RBFOX1: variants seen among roughly 807,000 people sequenced by gnomAD.
RBFOX1 encodes RNA binding protein fox-1 homolog 1.
A neutral mutation model predicts 57.7 loss-of-function variants in RBFOX1; 8 were observed. The ratio of observed to expected loss-of-function variants is 0.14; its 90% CI spans 0.08 to 0.25. RBFOX1 has a LOEUF of 0.25. Among genes scored for constraint, RBFOX1 ranks in the 10% least tolerant of loss-of-function variants. The pLI is 1.00. For missense variants in RBFOX1, 611 were observed against 548.5 expected, an observed-to-expected ratio of 1.11 and a Z score of -1.14; for synonymous variants, 326 against 222.4, an observed-to-expected ratio of 1.47 and a Z score of -4.15.
chr16:5,522,548 G>A (rs558422856), intron 2 of RBFOX1, among the ~76,000 whole-genome samples: 2 of 152,184 alleles, frequency 1.3e-5, no homozygotes, highest in South Asian at 4.1e-4. Flanking sequence ...GTTGGAAAAT[G>A]TTCAAATCCT....
chr16:6,952,827 T>C (rs991959895), intron 3 of RBFOX1, among the ~76,000 whole-genome samples: 6 of 151,870 alleles, frequency 4.0e-5, no homozygotes, highest in Non-Finnish European at 7.4e-5. Flanking sequence ...ATACAAAAAT[T>C]AGCTGGGTAT....
intron 2 of RBFOX1, among the ~76,000 whole-genome samples, chr16:6,634,231 A>C (rs2098413273): frequency 6.6e-6 from 1 of 152,136 alleles, no homozygotes; most frequent in Admixed American, 6.6e-5. Flanking sequence ...TCTTCCATTA[A>C]AAAATATTTC....
chr16:6,080,119 A>G (rs1267776851), intron 1 of RBFOX1, among the ~76,000 whole-genome samples: 3 of 152,156 alleles, frequency 2.0e-5, no homozygotes, highest in Non-Finnish European at 2.9e-5. Flanking sequence ...ATGCAGGCAT[A>G]TTTCCACCTT....
In RBFOX1 at chr16:7,298,344, A is replaced by G. The variant is rs575256782; in HGVS notation, c.28-219803A>G. Among the ~76,000 whole-genome samples, 23 of 135,930 alleles carry G rather than the reference A, an allele frequency of 1.7e-4. No individual in the cohort carries two copies. In the South Asian group the frequency reaches 5.2e-3, roughly 31 times the overall value. The allele number at this position is 135,930 out of a possible 152,430, so 89.2% of individuals were successfully genotyped here. A position where few individuals can be genotyped will look rare whatever the true frequency, so the allele number is the denominator to read the frequency against. On this transcript the variant is annotated intron_variant, in intron 4 of 15. Coordinates refer to ENST00000550418, the MANE Select transcript of RBFOX1 (RefSeq NM_018723.4). ...CTCTTTTGCCCAGGCTCTGGAGTGC[A>G]GTAGCATGATCTCAGCCTACCGCAG...
chr16:5,706,949 C>T (rs563538331), intron 3 of RBFOX1, among the ~76,000 whole-genome samples: 2 of 152,190 alleles, frequency 1.3e-5, no homozygotes, highest in South Asian at 4.2e-4. Flanking sequence ...CATACACAGT[C>T]CGTTTTCAGC....
intron 3 of RBFOX1, among the ~76,000 whole-genome samples, chr16:6,950,739 T>G (rs1370456624): frequency 6.6e-6 from 1 of 152,132 alleles, no homozygotes; most frequent in African/African-American, 2.4e-5. Context: ...GGAGGAGATT[T>G]GCGGCCATGT....
chr16:7,498,163 C>A (rs756569499), intron 4 of RBFOX1, among the ~76,000 whole-genome samples: 1 of 152,160 alleles, frequency 6.6e-6, no homozygotes, highest in Admixed American at 6.5e-5. Context: ...ACAAAGGTGG[C>A]GTGTGGGGTG....
At chr16:7,545,258 A>T (rs1203658824) in intron 5 of RBFOX1, among the ~76,000 whole-genome samples, 1 of 152,062 alleles carries the variant, frequency 6.6e-6, no homozygotes, top group Non-Finnish European at 1.5e-5. Flanking sequence ...CCTTTCCTGA[A>T]ACAGCAGTTT....
Position 5,983,914 on chromosome 16 carries a change from T to C in RBFOX1, c.351+116579T>C, listed in dbSNP as rs1184195723. Among the ~76,000 whole-genome samples the C allele has an allele frequency of 7.2e-4, 71 of 98,310 alleles. No homozygotes were observed. The East Asian group carries it at 8.5e-3, about 12-fold the overall frequency. The allele number at this position is 98,310 out of a possible 152,430, so 64.5% of individuals were successfully genotyped here. ...CCTCCTCGTTCTCCTCCTCCTCCTC[T>C]TCCTCCTCCTCCCCCTCCTCCTCCT... On this transcript the variant is annotated intron_variant, in intron 4 of 19. Transcript: ENST00000641259.
chr16:7,457,289 C>G (rs928980737), intron 4 of RBFOX1, among the ~76,000 whole-genome samples: 1 of 152,100 alleles, frequency 6.6e-6, no homozygotes. Context: ...CATGGAATAG[C>G]AAACACTATC....
chr16:7,426,459 G>A (rs1273630860), intron 4 of RBFOX1, among the ~76,000 whole-genome samples: 1 of 152,184 alleles, frequency 6.6e-6, no homozygotes, highest in Non-Finnish European at 1.5e-5. Context: ...CTTAGCTAAT[G>A]ATAGTTTTCA....
At chr16:5,866,637 A>G (rs1162564485) in intron 3 of RBFOX1, among the ~76,000 whole-genome samples, 2 of 152,242 alleles carry the variant, frequency 1.3e-5, no homozygotes, top group Non-Finnish European at 2.9e-5. Context: ...GAGGCTGAAC[A>G]TCTACGTGAC....
At chr16:5,347,951 T>C (rs1377571411) in intron 1 of RBFOX1, among the ~76,000 whole-genome samples, 12 of 110,724 alleles carry the variant, frequency 1.1e-4, no homozygotes, top group Non-Finnish European at 1.9e-4. Context: ...CATGCACTCA[T>C]TCACCCATCC....
chr16:7,408,380 C>G lies in RBFOX1; in HGVS notation c.28-109767C>G, dbSNP rs1433173738. Among the ~76,000 whole-genome samples, 5 of 152,228 alleles carry G rather than the reference C, an allele frequency of 3.3e-5. No individual in the cohort carries two copies. The East Asian group carries it at 7.7e-4, about 24-fold the overall frequency. Reference sequence around the variant, plus strand: ...AATTTTAAAAAATGTTAGACTGTGTCTGAGCACAGTAAACCATTCAAAACT... The same window carrying G: ...AATTTTAAAAAATGTTAGACTGTGTGTGAGCACAGTAAACCATTCAAAACT... On this transcript the variant is annotated intron_variant, in intron 4 of 15. Transcript: ENST00000550418.
intron 2 of RBFOX1, among the ~76,000 whole-genome samples, chr16:5,481,225 G>A (rs1388850020): frequency 1.3e-5 from 2 of 152,174 alleles, no homozygotes; most frequent in African/African-American, 2.4e-5. Context: ...TTAGACTGGT[G>A]TAATCCAAGG....
At chr16:7,284,319 G>A (rs1007911900) in intron 4 of RBFOX1, among the ~76,000 whole-genome samples, 17 of 152,106 alleles carry the variant, frequency 1.1e-4, no homozygotes, top group Non-Finnish European at 4.4e-5. Flanking sequence ...TGAGAAGTAT[G>A]TTTATGTTTA....
At chr16:7,014,794 G>A (rs556954671) in intron 3 of RBFOX1, among the ~76,000 whole-genome samples, 15 of 152,002 alleles carry the variant, frequency 9.9e-5, no homozygotes, top group Admixed American at 5.2e-4. Flanking sequence ...GCACTGTCTC[G>A]GCTCACTGCA....
chr16:5,772,461 TC>T (rs1567521374), intron 3 of RBFOX1, among the ~76,000 whole-genome samples: 1 of 152,210 alleles, frequency 6.6e-6, no homozygotes, highest in Non-Finnish European at 1.5e-5. Flanking sequence ...TCTTCTGCAC[TC>T]TTGAGTTTAT....
chr16:6,605,810 T>C (rs1051385431), intron 2 of RBFOX1, among the ~76,000 whole-genome samples: 1 of 152,150 alleles, frequency 6.6e-6, no homozygotes, highest in African/African-American at 2.4e-5. Context: ...ACTTGAAATA[T>C]GCATCCTGGC....
Sources: gnomAD v4.1 joint callset for allele counts (sites outside exome capture counted in the v4.1 genomes callset) on GRCh38, gnomAD v4.1.1 for gene constraint, MANE v1.5 for transcripts, NCBI Gene and HGNC (gene_info 2026-07-23, HGNC 2026-07-21) for gene names.